Variants in MEI1 observed in about 807,000 individuals in gnomAD.
MEI1 encodes meiosis inhibitor protein 1.
A neutral mutation model predicts 146.2 loss-of-function variants in MEI1; 103 were observed. That is an observed-to-expected ratio of 0.70 (90% CI 0.60 to 0.83). The LOEUF (loss-of-function observed/expected upper bound fraction) is 0.83, where lower values mean the gene tolerates loss of function less well. Ranked by LOEUF, MEI1 falls within the 40% of genes least tolerant of loss-of-function variation. The pLI, the probability that MEI1 is intolerant of heterozygous loss-of-function variation, is 0.00. For missense variants in MEI1, 1,529 were observed against 1,533.0 expected (o/e 1.00, Z 0.04); for synonymous variants, 652 against 628.2 (o/e 1.04, Z -0.57).
intron 3 of MEI1, among the ~76,000 whole-genome samples, chr22:41,712,249 C>G (rs7364264): frequency 1.4e-5 from 2 of 138,194 alleles, no homozygotes; most frequent in African/African-American, 5.5e-5. Context: ...TTGTTTGTTT[C>G]TTTGATACGG....
At chr22:41,772,298 T>C (rs1380347176) in intron 20 of MEI1, among the ~76,000 whole-genome samples, 1 of 152,178 alleles carries the variant, frequency 6.6e-6, no homozygotes, top group East Asian at 1.9e-4. Flanking sequence ...CATGGCTCAC[T>C]GCAGCGTCAA....
intron 7 of MEI1, among the ~76,000 whole-genome samples, chr22:41,729,338 C>A (rs182483624): frequency 2.0e-5 from 3 of 152,258 alleles, no homozygotes; most frequent in Non-Finnish European, 4.4e-5. Flanking sequence ...AGACCTGTTT[C>A]ATAAATAAAT....
chr22:41,702,171 G>A (rs374850050), intron 1 of MEI1, among the ~76,000 whole-genome samples: 8 of 152,140 alleles, frequency 5.3e-5, no homozygotes, highest in Non-Finnish European at 7.4e-5. Context: ...AGATGGTTTC[G>A]CTCTCGTTGC....
chr22:41,739,560 C>CA lies in MEI1; in HGVS notation c.1332-3514dup, dbSNP rs1484295835. The stretch of plus-strand genomic sequence containing the variant: ...TCTAGGTTGGTTCTAAAAATTGAAA[C>CA]AAAAAATAGCATTTACGTGACAGTG... On this transcript the variant is annotated intron_variant, in intron 11 of 30. Coordinates refer to ENST00000401548, the MANE Select transcript of MEI1 (RefSeq NM_152513.4). Among the ~76,000 whole-genome samples, 4 of 151,510 alleles carry CA rather than the reference C, an allele frequency of 2.6e-5. 1 individual carries two copies. The highest frequency in any genetic ancestry group is 9.8e-5 in the African/African-American group (4 of 40,836).
chr22:41,713,296 G>A (rs1369381634), intron 3 of MEI1, among the ~76,000 whole-genome samples: 1 of 152,052 alleles, frequency 6.6e-6, no homozygotes, highest in Non-Finnish European at 1.5e-5. Context: ...TACAGACCCT[G>A]TCCCTACAAA....
At chr22:41,731,852 G>A (rs951854611) in intron 9 of MEI1, among the ~76,000 whole-genome samples, 44 of 152,194 alleles carry the variant, frequency 2.9e-4, no homozygotes, top group African/African-American at 1.1e-3. Context: ...CTAGAGGGAA[G>A]CACAGGAGCT....
intron 1 of MEI1, among the ~76,000 whole-genome samples, chr22:41,702,545 A>C (rs1200809716): frequency 6.7e-6 from 1 of 149,140 alleles, no homozygotes; most frequent in Admixed American, 6.7e-5. Context: ...TCCCAGATTC[A>C]AGTGATTCTC....
At chr22:41,705,578 C>T in intron 3 of MEI1, 24 bp downstream of exon 3, 2 of 1,600,094 alleles carry the variant, frequency 1.2e-6, no homozygotes, top group African/African-American at 1.3e-5. Flanking sequence ...TTGTATCTAG[C>T]ACTTGAAGAT....
Position 41,718,234 on chromosome 22 carries a change from G to C in MEI1, c.693G>C (p.Leu231=). Residue 231 remains leucine, a synonymous_variant, in exon 6 of 31, where the codon CTG becomes CTC. Transcript: ENST00000401548. ...EKLFPLFLSI[L]DGAQTKELQI... is the part of the protein sequence containing the mutation. ...TTTTTCCCCTCTTCCTTTCCATCCT[G>C]GATGGTGCCCAGACAAAGGAGCTGC... 6.2e-7 allele frequency: 1 copy of C among 1,613,924 alleles called. No individual in the cohort carries two copies. Among genetic ancestry groups the C allele is most frequent in the Non-Finnish European group, 8.5e-7 (1 of 1,179,874 alleles).
intron 19 of MEI1, among the ~76,000 whole-genome samples, chr22:41,765,110 T>C (rs1235751728): frequency 6.6e-6 from 1 of 152,202 alleles, no homozygotes; most frequent in Non-Finnish European, 1.5e-5. Context: ...GTTCAAGCAA[T>C]TCTCCTGCCT....
chr22:41,764,389 A>G (rs1025444513), intron 19 of MEI1, among the ~76,000 whole-genome samples: 4 of 152,218 alleles, frequency 2.6e-5, no homozygotes, highest in African/African-American at 9.6e-5. Context: ...TACTAGCACA[A>G]AGAGAGAGAC....
chr22:41,709,543 C>G, intron 3 of MEI1: 1 of 550,218 alleles, frequency 1.8e-6, no homozygotes, highest in Non-Finnish European at 3.5e-6. Context: ...TGCAGCGGCA[C>G]ACGGGCTTTG....
At chr22:41,746,091 G>C (rs1019630016) in intron 14 of MEI1, 65 bp downstream of exon 14, 35 of 1,470,542 alleles carry the variant, frequency 2.4e-5, no homozygotes, top group Non-Finnish European at 3.1e-5. Flanking sequence ...AGGCGAGCCA[G>C]GCTCAGAGGC....
intron 1 of MEI1, among the ~76,000 whole-genome samples, chr22:41,702,893 T>A (rs1016962211): frequency 2.6e-5 from 4 of 152,148 alleles, no homozygotes; most frequent in Non-Finnish European, 5.9e-5. Context: ...GTAATTTTTT[T>A]ATTTTTAGTT....
At position 41,754,002 on chromosome 22, in the gene MEI1, A is replaced by G. The variant is rs2073939557; in HGVS notation, c.1907A>G (p.Asn636Ser). ...CSNFLYYMCL[N>S]LLSAPEKTGP... ...AATTTCCTCTACTATATGTGCCTCAACCTTCTCTCAGCTCCAGAGAAGACA... is the reference window on the plus strand; with the variant it reads ...AATTTCCTCTACTATATGTGCCTCAGCCTTCTCTCAGCTCCAGAGAAGACA... The change falls in exon 17 of 31, where the codon AAC (asparagine) becomes AGC (serine). Residue 636 changes from asparagine (N) to serine (S), a missense_variant. Around this residue, in one of 3 missense-constraint regions of MEI1, gnomAD observed 1,212 missense variants for 1,178.9 expected, o/e 1.03. Transcript: ENST00000401548. 1.9e-6 allele frequency: 3 copies of G among 1,613,790 alleles called. No homozygotes were observed. The highest frequency in any genetic ancestry group is 1.3e-5 in the African/African-American group (1 of 75,028).
intron 17 of MEI1, 68 bp from the exon 18 acceptor site, chr22:41,758,297 A>G: frequency 6.9e-7 from 1 of 1,459,332 alleles, no homozygotes; most frequent in Non-Finnish European, 9.4e-7. Context: ...TGTAGTAGGT[A>G]CTAATGTGCT....
chr22:41,770,354 C>T (rs961555938), intron 19 of MEI1, among the ~76,000 whole-genome samples: 1 of 151,942 alleles, frequency 6.6e-6, no homozygotes, highest in African/African-American at 2.4e-5. Context: ...TGCACCAGAT[C>T]ATTCTTGTGT....
Position 41,781,831 on chromosome 22 carries a change from A to G in MEI1, c.3073A>G (p.Lys1025Glu), listed in dbSNP as rs2075769582. 1.2e-6 allele frequency: 2 copies of G among 1,613,862 alleles called. No homozygotes were observed. The highest frequency in any genetic ancestry group is 1.1e-5 in the South Asian group (1 of 91,082). ...LTASFSAQQH[K>E]GSLQVHQTLS... ...TGCCTCCTTCTCTGCCCAGCAGCACAAGGGCAGTTTGCAGGTTAGTCTTTA... is the reference window on the plus strand; with the variant it reads ...TGCCTCCTTCTCTGCCCAGCAGCACGAGGGCAGTTTGCAGGTTAGTCTTTA... Residue 1025 changes from lysine to glutamate, a missense_variant, in exon 24 of 31, where the codon AAG becomes GAG. Around this residue, in one of 3 missense-constraint regions of MEI1, gnomAD observed 313 missense variants for 337.3 expected, o/e 0.93. Coordinates refer to ENST00000401548, the MANE Select transcript of MEI1 (RefSeq NM_152513.4).
rs896961516 is a variant in MEI1 at position 41,748,363 on chromosome 22, G to A, written c.1792+145G>A. ...ATCTATTCTTTGTCCAGTGATGAGTGAAAGGAAGTGTCAGGCAGCAATCAA... is the reference window on the plus strand; with the variant it reads ...ATCTATTCTTTGTCCAGTGATGAGTAAAAGGAAGTGTCAGGCAGCAATCAA... On this transcript the variant is annotated intron_variant, in intron 15 of 30. Transcript: ENST00000401548. 3 of 654,894 alleles carry A rather than the reference G, an allele frequency of 4.6e-6. No homozygotes were observed. The African/African-American group carries it at 5.4e-5, about 12-fold the overall frequency. The allele number at this position is 654,894 out of a possible 1,614,324, so 40.6% of individuals were successfully genotyped here. A position where few individuals can be genotyped will look rare whatever the true frequency, so the allele number is the denominator to read the frequency against.
Sources: allele counts gnomAD v4.1 joint callset (sites outside exome capture counted in the v4.1 genomes callset), GRCh38; gene constraint gnomAD v4.1.1; regional missense constraint gnomAD v4.1.1; transcripts MANE v1.5; gene names NCBI Gene and HGNC (gene_info 2026-07-23, HGNC 2026-07-21).